The following GABPB1 variants were observed in gnomAD, a reference collection of about 807,000 sequenced individuals.
GABPB1 encodes the protein GA binding protein transcription factor subunit beta 1, also known as GA-binding protein subunit beta-1.
GABPB1 carries 15 observed loss-of-function variants against 45.9 expected under a neutral mutation model. The observed-to-expected ratio is 0.33, with a 90% CI of 0.22 to 0.50. The LOEUF (loss-of-function observed/expected upper bound fraction) is 0.50, where lower values mean the gene tolerates loss of function less well. Ranked by LOEUF, GABPB1 falls within the 20% of genes least tolerant of loss-of-function variation. The pLI, the probability that GABPB1 is intolerant of heterozygous loss-of-function variation, is 0.98. For missense variants in GABPB1, 252 were observed against 457.5 expected (o/e 0.55, Z 4.10); for synonymous variants, 143 against 154.4 (o/e 0.93, Z 0.55).
At chr15:50,353,605 TAA>T (rs1014144666) in intron 1 of GABPB1, 2 of 151,402 alleles carry the variant, frequency 1.3e-5, no homozygotes, top group Non-Finnish European at 2.9e-5. Context: ...GAAAAGAAAA[TAA>T]AGTCATCTTT....
chr15:50,290,098 T>TTTAAAACTC (rs2046299365), intron 6 of GABPB1, among the ~76,000 whole-genome samples: 1 of 152,140 alleles, frequency 6.6e-6, no homozygotes, highest in South Asian at 2.1e-4. Context: ...CAGGAAAACT[T>TTTAAAACTC]GTACATGGTT....
At chr15:50,338,247 T>A (rs897873059) in intron 1 of GABPB1, among the ~76,000 whole-genome samples, 3 of 151,028 alleles carry the variant, frequency 2.0e-5, no homozygotes, top group Admixed American at 2.0e-4. Flanking sequence ...ACCATGTTGG[T>A]CAGGCTGGTC....
intron 1 of GABPB1, among the ~76,000 whole-genome samples, chr15:50,330,308 A>G (rs1182727867): frequency 6.6e-6 from 1 of 151,872 alleles, no homozygotes; most frequent in Non-Finnish European, 1.5e-5. Context: ...CTGCATAGAG[A>G]TTTTTCTCAT....
rs549700412 is a variant in GABPB1, at chr15:50,340,847, CTGGTTTATTACATA to C, written c.-1+14124_-1+14137del. On this transcript the variant is annotated intron_variant, in intron 1 of 8. Transcript: ENST00000380877. ...TTGTAGGAGTGCAATATGTATATTT[CTGGTTTATTACATA>C]TGGTTTATTACCATATGTAATATTA... 1.6e-3 allele frequency among the ~76,000 whole-genome samples: 178 copies of C among 109,484 alleles called. 14 individuals are homozygous for C. Among genetic ancestry groups the C allele is most frequent in the Non-Finnish European group, 2.9e-3 (150 of 50,936 alleles). The allele number at this position is 109,484 out of a possible 152,430, so 71.8% of individuals were successfully genotyped here.
chr15:50,283,598 T>C (rs1020731912), intron 8 of GABPB1, among the ~76,000 whole-genome samples: 1 of 151,698 alleles, frequency 6.6e-6, no homozygotes, highest in African/African-American at 2.4e-5. Context: ...GCAACCTCCA[T>C]CTCCCGGGTT....
At chr15:50,314,118 T>G (rs2047224485) in intron 1 of GABPB1, among the ~76,000 whole-genome samples, 1 of 152,210 alleles carries the variant, frequency 6.6e-6, no homozygotes. Flanking sequence ...GGACCTAATA[T>G]ACTTAAGTTA....
At chr15:50,320,729 CA>C (rs569314250) in intron 1 of GABPB1, among the ~76,000 whole-genome samples, 27 of 152,162 alleles carry the variant, frequency 1.8e-4, no homozygotes, top group African/African-American at 6.0e-4. Flanking sequence ...AAGAGGGAGA[CA>C]GGAGGATCAG....
chr15:50,347,783 C>A (rs542948640), intron 1 of GABPB1, among the ~76,000 whole-genome samples: 3 of 152,152 alleles, frequency 2.0e-5, no homozygotes, highest in African/African-American at 7.2e-5. Context: ...AGGCTGGGCG[C>A]AGTGGCTTAT....
intron 1 of GABPB1, among the ~76,000 whole-genome samples, chr15:50,338,301 A>C (rs1046386860): frequency 7.9e-5 from 12 of 152,062 alleles, no homozygotes; most frequent in Non-Finnish European, 1.8e-4. Flanking sequence ...CGACCTCCCA[A>C]AGTGCTGGGA....
Position 50,329,523 on chromosome 15 carries a change from T to G in GABPB1, c.1-19725A>C, listed in dbSNP as rs79105361. Among the ~76,000 whole-genome samples the G allele has an allele frequency of 4.3e-3, 648 of 152,294 alleles. 14 individuals carry two copies. The highest frequency in any genetic ancestry group is 0.033 in the Admixed American group (511 of 15,292). On this transcript the variant is annotated intron_variant, in intron 1 of 8. Coordinates refer to ENST00000380877, the MANE Select transcript of GABPB1 (RefSeq NM_016654.5). ...ATAAAATGAATAAAGGTGGGGGTTTTTTTGCAGTTCTTTTATCCTTAGCGT... is the reference window on the plus strand; with the variant it reads ...ATAAAATGAATAAAGGTGGGGGTTTGTTTGCAGTTCTTTTATCCTTAGCGT...
rs755382009 is a variant in GABPB1, at chr15:50,309,667, C to T, written c.108+24G>A. The T allele has an allele frequency of 3.0e-6, 4 of 1,339,144 alleles. No individual in the cohort carries two copies. In the East Asian group the frequency reaches 6.9e-5, roughly 23 times the overall value. 83.0% of individuals were successfully genotyped at this position (1,339,144 alleles called of 1,614,324 possible). ...TCAAAAATGAGAAGGAAAAAGAACA[C>T]ACAATATTAAAATCATTCTTTACCC... On this transcript the variant is annotated intron_variant, in intron 2 of 8. Coordinates refer to ENST00000380877, the MANE Select transcript of GABPB1 (RefSeq NM_016654.5).
rs1487837961 is a variant in GABPB1 at position 50,276,009 on chromosome 15, A to T, written c.*2623T>A. The stretch of plus-strand genomic sequence containing the variant: ...CAGTGTCTGGATAGTACGTAACAAG[A>T]ACGATTCTAGGTGCACAGGAAAGAA... On this transcript the variant is annotated 3_prime_UTR_variant, in exon 9 of 9. Transcript: ENST00000380877. 1 of 152,178 alleles carries T rather than the reference A, an allele frequency of 6.6e-6. No homozygotes were observed. Among genetic ancestry groups the T allele is most frequent in the Non-Finnish European group, 1.5e-5 (1 of 68,034 alleles). 9.4% of individuals were successfully genotyped at this position (152,178 alleles called of 1,614,324 possible).
At chr15:50,339,443 G>A (rs898208758) in intron 1 of GABPB1, among the ~76,000 whole-genome samples, 2 of 151,520 alleles carry the variant, frequency 1.3e-5, no homozygotes, top group African/African-American at 4.9e-5. Flanking sequence ...AGGTTGCAGT[G>A]AGTCAAGACT....
rs1221100056 is a variant in GABPB1 at position 50,348,061 on chromosome 15, C to T, written c.-1+6924G>A. ...CCATCTGGAAAAAAAAAAAAAGAAT[C>T]ACTACTATAGTAAACCACCATAGTA... On this transcript the variant is annotated intron_variant, in intron 1 of 8. Coordinates refer to ENST00000380877, the MANE Select transcript of GABPB1 (RefSeq NM_016654.5). 1.8e-4 allele frequency among the ~76,000 whole-genome samples: 12 copies of T among 65,398 alleles called. No homozygotes were observed. The South Asian group carries it at 4.6e-3, about 25-fold the overall frequency. 42.9% of individuals were successfully genotyped at this position (65,398 alleles called of 152,430 possible).
intron 2 of GABPB1, among the ~76,000 whole-genome samples, chr15:50,309,203 A>G (rs1438978578): frequency 1.3e-5 from 2 of 151,894 alleles, no homozygotes. Flanking sequence ...TGCCTTCCCC[A>G]CAACTACCTT....
chr15:50,334,505 C>CTTTTTTTTTT (rs60433481), intron 1 of GABPB1, among the ~76,000 whole-genome samples: 4 of 109,406 alleles, frequency 3.7e-5, no homozygotes, highest in Non-Finnish European at 5.5e-5. Context: ...TCTTTTTTTC[C>CTTTTTTTTTT]TTTTTTTTTT....
chr15:50,333,618 T>C (rs1222513535), intron 1 of GABPB1, among the ~76,000 whole-genome samples: 1 of 152,182 alleles, frequency 6.6e-6, no homozygotes, highest in East Asian at 1.9e-4. Context: ...AAAATATCCT[T>C]ATTTTACCAT....
chr15:50,350,680 T>TTC, intron 1 of GABPB1: 1 of 152,238 alleles, frequency 6.6e-6, no homozygotes, highest in East Asian at 1.9e-4. Flanking sequence ...CTAGCTCAAA[T>TTC]TCTCCTTCAG....
At chr15:50,309,605 TA>T in intron 2 of GABPB1, 85 bp downstream of exon 2, 1 of 767,026 alleles carries the variant, frequency 1.3e-6, no homozygotes, top group Non-Finnish European at 2.2e-6. Flanking sequence ...TTACCACTTA[TA>T]AACACAATAC....
Sources: allele counts gnomAD v4.1 joint callset (sites outside exome capture counted in the v4.1 genomes callset), GRCh38; gene constraint gnomAD v4.1.1; transcripts MANE v1.5; gene names NCBI Gene and HGNC (gene_info 2026-07-23, HGNC 2026-07-21).